FAM20C: variants seen among roughly 807,000 people sequenced by gnomAD.
FAM20C encodes the protein FAM20C golgi associated secretory pathway kinase, also known as extracellular serine/threonine protein kinase FAM20C.
A neutral mutation model predicts 51.5 loss-of-function variants in FAM20C; 40 were observed. The observed-to-expected ratio is 0.78, with a 90% confidence interval of 0.60 to 1.01. The LOEUF (loss-of-function observed/expected upper bound fraction) is 1.01, where lower values mean the gene tolerates loss of function less well. FAM20C is among the 50% of genes least tolerant of loss of function. The pLI, the probability that FAM20C is intolerant of heterozygous loss-of-function variation, is 0.00. For missense variants in FAM20C, 861 were observed against 844.7 expected (o/e 1.02, Z -0.24); for synonymous variants, 406 against 380.6 (o/e 1.07, Z -0.78).
Position 207,417 on chromosome 7 carries a change from G to C in FAM20C, c.785-1481G>C, listed in dbSNP as rs183057160. Among the ~76,000 whole-genome samples the C allele has an allele frequency of 1.2e-4, 19 of 152,274 alleles. No homozygotes were observed. In the East Asian group the frequency reaches 3.7e-3, roughly 29 times the overall value. The stretch of plus-strand genomic sequence containing the variant: ...GTGCTCACTGTCTCCTTCAGGGCCC[G>C]AGTTTGCTCTGCTTCCTCTGCTGGG... On this transcript the variant is annotated intron_variant, in intron 2 of 9. Coordinates refer to ENST00000313766, the MANE Select transcript of FAM20C (RefSeq NM_020223.4).
intron 2 of FAM20C, among the ~76,000 whole-genome samples, chr7:208,361 T>C (rs981036851): frequency 1.5e-5 from 2 of 134,020 alleles, no homozygotes; most frequent in African/African-American, 7.2e-5. Context: ...CTGTAGGGTG[T>C]GGTGTGTGTA....
intron 3 of FAM20C, among the ~76,000 whole-genome samples, chr7:232,619 C>T (rs1176871268): frequency 3.3e-5 from 5 of 152,186 alleles, no homozygotes; most frequent in Non-Finnish European, 5.9e-5. Context: ...CCAAAGCAAA[C>T]GTTTTCTATT....
intron 3 of FAM20C, among the ~76,000 whole-genome samples, chr7:241,817 G>T (rs1246560019): frequency 6.6e-6 from 1 of 151,876 alleles, no homozygotes; most frequent in Non-Finnish European, 1.5e-5. Flanking sequence ...ATGTGCATCT[G>T]TGTGTGTGCC....
chr7:195,865 T>C (rs1414245739), intron 2 of FAM20C, 133 bp downstream of exon 2: 1 of 876,856 alleles, frequency 1.1e-6, no homozygotes. Flanking sequence ...CCTGCAGCAA[T>C]CTGCACGGGC....
intron 3 of FAM20C, chr7:228,345 C>A: frequency 2.5e-6 from 1 of 403,766 alleles, no homozygotes; most frequent in Non-Finnish European, 5.0e-6. Flanking sequence ...AATCTCTAGT[C>A]CTTAGATCAC....
At chr7:218,203 G>T (rs116004942) in intron 3 of FAM20C, among the ~76,000 whole-genome samples, 3,665 of 152,316 alleles carry the variant, frequency 0.024, 164 homozygotes, top group African/African-American at 0.082. Context: ...AACCACACTG[G>T]CTGCTTTTCT....
intron 8 of FAM20C, among the ~76,000 whole-genome samples, 198 bp from the exon 9 acceptor site, chr7:258,448 G>GC (rs1443190488): frequency 6.4e-5 from 6 of 93,856 alleles, no homozygotes; most frequent in East Asian, 3.0e-4. Context: ...CTGGAGATGG[G>GC]TGGGATGGAC....
chr7:259,703 C>G (rs1583349708), intron 9 of FAM20C, 28 bp from the exon 10 acceptor site: 1 of 1,521,104 alleles, frequency 6.6e-7, no homozygotes, highest in East Asian at 2.5e-5. Flanking sequence ...CTGTCCCGTG[C>G]CAGGCCTGAT....
intron 3 of FAM20C, among the ~76,000 whole-genome samples, chr7:229,918 T>A (rs1265253914): frequency 6.6e-6 from 1 of 152,058 alleles, no homozygotes; most frequent in Non-Finnish European, 1.5e-5. Flanking sequence ...GTCTGTCTTA[T>A]CTAGTTTTGG....
Position 256,649 on chromosome 7 carries a change from C to T in FAM20C, c.1254-5C>T, listed in dbSNP as rs377726179. The T allele has an allele frequency of 3.5e-5, 54 of 1,535,088 alleles. No homozygotes were observed. In the East Asian group the frequency reaches 4.2e-4, roughly 12 times the overall value. ...GGCCCCCCGTCTCACGCTGGCTCCC[C>T]GCAGGTGGGAGGTGGACCCTGACTA... On this transcript the variant is annotated splice_polypyrimidine_tract_variant and splice_region_variant and intron_variant, in intron 6 of 9. Transcript: ENST00000313766.
At chr7:204,902 G>A (rs996664204) in intron 2 of FAM20C, among the ~76,000 whole-genome samples, 5 of 152,138 alleles carry the variant, frequency 3.3e-5, no homozygotes, top group Admixed American at 6.5e-5. Flanking sequence ...CCACACTGCC[G>A]CTGTTCTCGG....
At chr7:259,141 G>A (rs950246331) in intron 9 of FAM20C, among the ~76,000 whole-genome samples, 2 of 152,362 alleles carry the variant, frequency 1.3e-5, no homozygotes, top group South Asian at 2.1e-4. Flanking sequence ...CTCTAAGGAG[G>A]CATCACAGCG....
intron 2 of FAM20C, among the ~76,000 whole-genome samples, chr7:206,033 C>T (rs972751319): frequency 7.9e-5 from 12 of 152,138 alleles, no homozygotes; most frequent in South Asian, 2.1e-4. Context: ...CCGAGCTCCA[C>T]GCCCTCAGCA....
At chr7:258,558 AGG>A in intron 8 of FAM20C, 86 bp from the exon 9 acceptor site, 1 of 1,330,486 alleles carries the variant, frequency 7.5e-7, no homozygotes, top group Non-Finnish European at 1.0e-6. Context: ...GGGTACAGGC[AGG>A]TGGACCCATG....
rs144956943 is a variant in FAM20C, at chr7:256,359, G to A, written c.1254-295G>A. On this transcript the variant is annotated intron_variant, in intron 6 of 9. Transcript: ENST00000313766. ...ACGGCCCCTGTTCTTTCCGCCCCAC[G>A]TTGTCCTCGTGAGTGTGTAGTCCAG... is the stretch of plus-strand genomic sequence containing the variant. 3.6e-4 allele frequency: 206 copies of A among 567,316 alleles called. No homozygotes were observed. In the East Asian group the frequency reaches 5.7e-3, roughly 16 times the overall value. 35.1% of individuals were successfully genotyped at this position (567,316 alleles called of 1,614,324 possible).
chr7:246,313 A>G, intron 3 of FAM20C, 102 bp from the exon 4 acceptor site: 3 of 977,980 alleles, frequency 3.1e-6, no homozygotes, highest in Non-Finnish European at 4.7e-6. Context: ...CTGGAGCTCC[A>G]CCGCATTTTT....
At chr7:205,827 A>AC (rs1020737391) in intron 2 of FAM20C, among the ~76,000 whole-genome samples, 5 of 150,978 alleles carry the variant, frequency 3.3e-5, no homozygotes, top group African/African-American at 7.3e-5. Context: ...CATCCACGGC[A>AC]CCCCCAGGCC....
intron 3 of FAM20C, among the ~76,000 whole-genome samples, chr7:223,986 C>G (rs1485532306): frequency 6.6e-6 from 1 of 152,108 alleles, no homozygotes; most frequent in African/African-American, 2.4e-5. Flanking sequence ...TGTGTCTGCC[C>G]CGGGCTCCCG....
At chr7:252,598 C>T (rs531296827) in intron 5 of FAM20C, among the ~76,000 whole-genome samples, 41 of 152,338 alleles carry the variant, frequency 2.7e-4, no homozygotes, top group Non-Finnish European at 3.7e-4. Context: ...GTGACCCTCC[C>T]GTGGGGTCAA....
Sources: allele counts gnomAD v4.1 joint callset (sites outside exome capture counted in the v4.1 genomes callset), GRCh38; gene constraint gnomAD v4.1.1; transcripts MANE v1.5; gene names NCBI Gene and HGNC (gene_info 2026-07-23, HGNC 2026-07-21).